Variants in XKR6 observed in about 807,000 individuals in gnomAD.
The protein encoded by XKR6 is XK-related protein 6.
Under a neutral mutation model 56.7 loss-of-function variants are expected in XKR6, and 22 were observed. The ratio of observed to expected loss-of-function variants is 0.39; its 90% CI spans 0.28 to 0.55. The LOEUF is 0.55. Ranked by LOEUF, XKR6 falls within the 20% of genes least tolerant of loss-of-function variation. The probability of loss-of-function intolerance (pLI) is 0.66; values close to 1 mark genes in which losing one functional copy is unlikely to be tolerated. For synonymous variants in XKR6, 524 were observed against 387.8 expected (o/e 1.35, Z -4.13); for missense variants, 852 against 889.0 (o/e 0.96, Z 0.53).
chr8:11,055,802 G>A (rs533008116), intron 1 of XKR6, among the ~76,000 whole-genome samples: 1 of 151,000 alleles, frequency 6.6e-6, no homozygotes, highest in Non-Finnish European at 1.5e-5. Flanking sequence ...ACTGCACAGG[G>A]AGGAAAGCCA....
In XKR6 at chr8:11,107,881, G is replaced by A. The variant is rs927087918; in HGVS notation, c.764+92695C>T. 7.2e-5 allele frequency: 14 copies of A among 193,674 alleles called. 1 individual carries two copies. Among genetic ancestry groups the A allele is most frequent in the African/African-American group, 3.3e-4 (14 of 42,024 alleles). The allele number at this position is 193,674 out of a possible 1,614,324, so 12.0% of individuals were successfully genotyped here. A position where few individuals can be genotyped will look rare whatever the true frequency, so the allele number is the denominator to read the frequency against. On this transcript the variant is annotated intron_variant, in intron 1 of 2. Coordinates refer to ENST00000416569, the MANE Select transcript of XKR6 (RefSeq NM_173683.4). ...CCAGTCTAATGCATAAAAGACAGTG[G>A]TATCCTGTCTCATGTACAAAGAGCA...
chr8:11,070,275 C>T (rs533720983), intron 1 of XKR6, among the ~76,000 whole-genome samples: 10 of 152,296 alleles, frequency 6.6e-5, no homozygotes, highest in African/African-American at 2.2e-4. Context: ...TCATCCACGC[C>T]TCATCAATCC....
chr8:11,198,983 G>C (rs1188516003), intron 1 of XKR6, among the ~76,000 whole-genome samples: 3 of 151,704 alleles, frequency 2.0e-5, no homozygotes, highest in Non-Finnish European at 4.4e-5. Flanking sequence ...CTTTGAGTGT[G>C]TGGGTGTTTA....
At chr8:11,050,854 C>T (rs2129159657) in intron 1 of XKR6, among the ~76,000 whole-genome samples, 1 of 152,246 alleles carries the variant, frequency 6.6e-6, no homozygotes, top group Middle Eastern at 3.4e-3. Flanking sequence ...GTGCTGCTCC[C>T]CACTCCTCCC....
chr8:11,034,800 T>C (rs1017678326), intron 1 of XKR6, among the ~76,000 whole-genome samples: 1 of 152,214 alleles, frequency 6.6e-6, no homozygotes, highest in Non-Finnish European at 1.5e-5. Flanking sequence ...ACATTTACCA[T>C]GGCCAGGTCT....
intron 2 of XKR6, among the ~76,000 whole-genome samples, chr8:10,900,272 C>T (rs1272553735): frequency 2.6e-5 from 4 of 152,148 alleles, no homozygotes; most frequent in South Asian, 2.1e-4. Flanking sequence ...CATCAAGACA[C>T]TGGTTAAACT....
intron 1 of XKR6, among the ~76,000 whole-genome samples, chr8:11,095,588 G>C (rs986127766): frequency 6.6e-6 from 1 of 152,160 alleles, no homozygotes; most frequent in African/African-American, 2.4e-5. Flanking sequence ...CTAGTGAACA[G>C]ATGTACTGAC....
intron 1 of XKR6, among the ~76,000 whole-genome samples, chr8:10,979,304 ACCGAATAATGCTCCTTTGTGTTTG>A (rs1433286389): frequency 1.3e-5 from 2 of 151,918 alleles, no homozygotes; most frequent in Non-Finnish European, 2.9e-5. Flanking sequence ...ACATAAGTTA[ACCGAATAATGCTCCTTTGTGTTTG>A]CAGAAAAATG....
chr8:11,172,818 A>C (rs1375377999), intron 1 of XKR6, among the ~76,000 whole-genome samples: 2 of 152,158 alleles, frequency 1.3e-5, no homozygotes. Flanking sequence ...CCCAAAGAAA[A>C]ACACCAAGAA....
At chr8:11,151,224 G>A (rs73665012) in intron 1 of XKR6, among the ~76,000 whole-genome samples, 1 of 152,126 alleles carries the variant, frequency 6.6e-6, no homozygotes, top group Non-Finnish European at 1.5e-5. Flanking sequence ...TTCTACTAGT[G>A]AAAGTATGCA....
intron 1 of XKR6, among the ~76,000 whole-genome samples, chr8:10,994,538 C>T (rs1361155777): frequency 6.6e-6 from 1 of 152,234 alleles, no homozygotes; most frequent in Non-Finnish European, 1.5e-5. Flanking sequence ...CACATGGTCA[C>T]ATCTGCTCTA....
intron 1 of XKR6, among the ~76,000 whole-genome samples, chr8:11,114,840 T>C (rs58309812): frequency 0.017 from 2,556 of 151,974 alleles, 94 homozygotes; most frequent in African/African-American, 0.057. Flanking sequence ...CTCAGAAATA[T>C]ATTTTTGTGT....
chr8:10,923,799 T>G (rs751774996), intron 2 of XKR6, among the ~76,000 whole-genome samples: 4 of 152,164 alleles, frequency 2.6e-5, no homozygotes, highest in African/African-American at 7.2e-5. Flanking sequence ...CAGGGAGAGC[T>G]GGGGTATGGA....
chr8:11,190,765 C>T (rs1181424808), intron 1 of XKR6, among the ~76,000 whole-genome samples: 3 of 152,146 alleles, frequency 2.0e-5, no homozygotes, highest in Non-Finnish European at 4.4e-5. Context: ...AATTCTGTCC[C>T]GCCCACAGCT....
intron 1 of XKR6, among the ~76,000 whole-genome samples, chr8:11,167,311 G>A (rs974043216): frequency 1.3e-5 from 2 of 152,212 alleles, no homozygotes; most frequent in Admixed American, 1.3e-4. Context: ...TCTCCTCCCA[G>A]TGTGATGGCA....
At chr8:10,994,478 G>A (rs570240296) in intron 1 of XKR6, among the ~76,000 whole-genome samples, 7 of 152,334 alleles carry the variant, frequency 4.6e-5, no homozygotes, top group African/African-American at 1.7e-4. Flanking sequence ...CTTTGCCAGA[G>A]GAAGGGCAGA....
At chr8:11,025,226 A>T (rs1181389852) in intron 1 of XKR6, among the ~76,000 whole-genome samples, 1 of 152,140 alleles carries the variant, frequency 6.6e-6, no homozygotes, top group Admixed American at 6.5e-5. Context: ...CCCTGTACTC[A>T]TGTCCGCCAG....
chr8:10,926,950 T>G (rs894702666), intron 1 of XKR6, among the ~76,000 whole-genome samples: 6 of 152,004 alleles, frequency 3.9e-5, no homozygotes, highest in African/African-American at 1.2e-4. Flanking sequence ...GACATAGAGA[T>G]AGACAGTGAG....
chr8:10,999,779 T>G (rs1001918020), intron 1 of XKR6, among the ~76,000 whole-genome samples: 2 of 152,148 alleles, frequency 1.3e-5, no homozygotes, highest in African/African-American at 2.4e-5. Context: ...TGCCGTTGGG[T>G]TGATGCAGGT....
Sources: gnomAD v4.1 joint callset for allele counts (sites outside exome capture counted in the v4.1 genomes callset) on GRCh38, gnomAD v4.1.1 for gene constraint, MANE v1.5 for transcripts, NCBI Gene and HGNC (gene_info 2026-07-23, HGNC 2026-07-21) for gene names.